The following CSMD1 variants were observed in gnomAD, a reference collection of about 807,000 sequenced individuals.
CSMD1 encodes the protein CUB and Sushi multiple domains 1.
Under a neutral mutation model 417.5 loss-of-function variants are expected in CSMD1, and 213 were observed. That is an observed-to-expected ratio of 0.51 (90% CI 0.46 to 0.57). CSMD1 has a LOEUF of 0.57. Ranked by LOEUF, CSMD1 falls within the 20% of genes least tolerant of loss-of-function variation. The probability of loss-of-function intolerance (pLI) is 0.00; values close to 1 mark genes in which losing one functional copy is unlikely to be tolerated. For missense variants in CSMD1, 6,923 were observed against 4,529.7 expected (o/e 1.53, Z -15.17); for synonymous variants, 2,862 against 1,736.8 (o/e 1.65, Z -16.11).
intron 2 of CSMD1, among the ~76,000 whole-genome samples, chr8:4,575,812 C>G (rs573411559): frequency 4.6e-5 from 7 of 152,186 alleles, no homozygotes; most frequent in Non-Finnish European, 1.0e-4. Flanking sequence ...ACAAGCTAGT[C>G]TGAGGTCGCA....
chr8:3,691,171 A>G (rs1439439518), intron 7 of CSMD1, among the ~76,000 whole-genome samples: 2 of 152,130 alleles, frequency 1.3e-5, no homozygotes, highest in Non-Finnish European at 2.9e-5. Flanking sequence ...GTTTGAGACC[A>G]GCGTGACCAA....
intron 5 of CSMD1, among the ~76,000 whole-genome samples, chr8:3,762,003 G>A (rs190463549): frequency 1.7e-4 from 26 of 152,118 alleles, no homozygotes; most frequent in Middle Eastern, 6.8e-3. Context: ...CCACTCCTGC[G>A]ACTCTAGCCA....
intron 26 of CSMD1, 72 bp downstream of exon 26, chr8:3,284,072 A>G (rs1438619240): frequency 1.6e-6 from 2 of 1,223,864 alleles, no homozygotes; most frequent in African/African-American, 1.5e-5. Context: ...GGTGAATATA[A>G]ATGGAGGGAG....
chr8:4,135,423 G>A lies in CSMD1; in HGVS notation c.416-103324C>T, dbSNP rs866931160. Among the ~76,000 whole-genome samples the A allele has an allele frequency of 3.6e-4, 51 of 142,584 alleles. 1 individual carries two copies. The highest frequency in any genetic ancestry group is 2.9e-4 in the Non-Finnish European group (19 of 66,408). The allele number at this position is 142,584 out of a possible 152,430, so 93.5% of individuals were successfully genotyped here. On this transcript the variant is annotated intron_variant, in intron 3 of 69. Coordinates refer to ENST00000635120, the MANE Select transcript of CSMD1 (RefSeq NM_033225.6). Reference sequence around the variant, plus strand: ...GAAAGAGGGAAAGAGGGGGAAGGAAGGGGAAGGAGGGAAGGACGGAAATTA... The same window carrying A: ...GAAAGAGGGAAAGAGGGGGAAGGAAAGGGAAGGAGGGAAGGACGGAAATTA...
intron 8 of CSMD1, among the ~76,000 whole-genome samples, chr8:3,595,539 A>C (rs990968778): frequency 6.6e-6 from 1 of 152,162 alleles, no homozygotes; most frequent in Admixed American, 6.5e-5. Context: ...TGATTTTTAG[A>C]TACTGTGTGT....
At chr8:3,503,317 C>G (rs7005574) in intron 10 of CSMD1, among the ~76,000 whole-genome samples, 1 of 152,178 alleles carries the variant, frequency 6.6e-6, no homozygotes. Flanking sequence ...ATTCAATGCA[C>G]TGCTATGAAG....
intron 1 of CSMD1, among the ~76,000 whole-genome samples, chr8:4,805,603 G>T (rs1346765166): frequency 2.0e-5 from 3 of 152,174 alleles, no homozygotes; most frequent in African/African-American, 7.2e-5. Flanking sequence ...CCAAAACTGA[G>T]GAAGTGCTAC....
chr8:3,509,811 C>G (rs1405671268), intron 10 of CSMD1, among the ~76,000 whole-genome samples: 1 of 152,060 alleles, frequency 6.6e-6, no homozygotes, highest in Non-Finnish European at 1.5e-5. Context: ...TGTCAGCCCA[C>G]CAGCCAGGTG....
intron 51 of CSMD1, among the ~76,000 whole-genome samples, chr8:3,023,935 G>C (rs921170852): frequency 6.6e-6 from 1 of 151,874 alleles, no homozygotes; most frequent in Non-Finnish European, 1.5e-5. Context: ...GATTCCGTTG[G>C]TCCTGATCCA....
At chr8:2,950,881 G>A (rs575334907) in intron 66 of CSMD1, among the ~76,000 whole-genome samples, 1 of 152,128 alleles carries the variant, frequency 6.6e-6, no homozygotes, top group African/African-American at 2.4e-5. Context: ...GACTTAATAT[G>A]TGCATAATTT....
At chr8:3,390,667 TC>T (rs1468175298) in intron 17 of CSMD1, among the ~76,000 whole-genome samples, 1 of 151,736 alleles carries the variant, frequency 6.6e-6, no homozygotes, top group African/African-American at 2.4e-5. Flanking sequence ...TTTTTTTTTT[TC>T]AATTGGTCTT....
intron 2 of CSMD1, among the ~76,000 whole-genome samples, chr8:4,429,863 C>G (rs184865789): frequency 6.6e-6 from 1 of 152,200 alleles, no homozygotes; most frequent in East Asian, 1.9e-4. Context: ...CAGTTAAGTT[C>G]TATGAAATGA....
chr8:4,137,615 A>G (rs1275217958), intron 3 of CSMD1, among the ~76,000 whole-genome samples: 1 of 131,726 alleles, frequency 7.6e-6, no homozygotes, highest in East Asian at 2.0e-4. Flanking sequence ...AAAAAAGACA[A>G]CTGTTAATTG....
At chr8:3,016,756 T>C (rs1764482279) in intron 52 of CSMD1, among the ~76,000 whole-genome samples, 1 of 152,210 alleles carries the variant, frequency 6.6e-6, no homozygotes, top group South Asian at 2.1e-4. Context: ...ATTTTTCTTC[T>C]TCCTTATTTT....
chr8:3,946,306 A>G (rs1166547191), intron 5 of CSMD1, among the ~76,000 whole-genome samples: 1 of 152,152 alleles, frequency 6.6e-6, no homozygotes, highest in Non-Finnish European at 1.5e-5. Context: ...TGGAAGTGTT[A>G]TCTCTTCTTT....
chr8:3,567,390 C>A (rs1031959991), intron 10 of CSMD1, among the ~76,000 whole-genome samples: 1 of 151,416 alleles, frequency 6.6e-6, no homozygotes, highest in African/African-American at 2.4e-5. Context: ...ATATAACAAA[C>A]CTGCATGTGT....
At chr8:4,032,941 G>C (rs1585171433) in intron 3 of CSMD1, among the ~76,000 whole-genome samples, 3 of 151,998 alleles carry the variant, frequency 2.0e-5, no homozygotes, top group Admixed American at 2.0e-4. Flanking sequence ...TGGAATTACT[G>C]ATAGAACAGG....
chr8:4,483,024 G>A (rs189263143), intron 2 of CSMD1, among the ~76,000 whole-genome samples: 10 of 152,204 alleles, frequency 6.6e-5, no homozygotes, highest in East Asian at 3.9e-4. Flanking sequence ...TTGGCTCTGC[G>A]TCCCCACCGA....
At chr8:3,419,487 C>A (rs1973464) in intron 12 of CSMD1, among the ~76,000 whole-genome samples, 1 of 152,134 alleles carries the variant, frequency 6.6e-6, no homozygotes. Context: ...AGCATATACA[C>A]TGATTTTTAA....
Sources: allele counts gnomAD v4.1 joint callset (sites outside exome capture counted in the v4.1 genomes callset), GRCh38; gene constraint gnomAD v4.1.1; transcripts MANE v1.5; gene names NCBI Gene and HGNC (gene_info 2026-07-23, HGNC 2026-07-21).